Variants in MALL observed in about 807,000 individuals in gnomAD.
MALL encodes mal, T cell differentiation protein like.
MALL carries 2 observed loss-of-function variants against 10.3 expected under a neutral mutation model. That is an observed-to-expected ratio of 0.19 (90% confidence interval 0.08 to 0.61). The LOEUF (loss-of-function observed/expected upper bound fraction) is 0.61, where lower values mean the gene tolerates loss of function less well. MALL is among the 20% of genes least tolerant of loss of function. The probability of loss-of-function intolerance (pLI) is 0.88; values close to 1 mark genes in which losing one functional copy is unlikely to be tolerated. For synonymous variants in MALL, 27 were observed against 51.8 expected, an observed-to-expected ratio of 0.52 and a Z score of 2.05; for missense variants, 39 against 115.2, an observed-to-expected ratio of 0.34 and a Z score of 3.03.
intron 1 of MALL, among the ~76,000 whole-genome samples, chr2:110,098,319 A>G (rs575932683): frequency 7.2e-5 from 11 of 152,078 alleles, no homozygotes; most frequent in African/African-American, 2.4e-4. Flanking sequence ...ACCACCATCC[A>G]TCTCCAGAGT....
upstream of MALL, among the ~76,000 whole-genome samples, chr2:110,117,651 G>C (rs992027447): frequency 6.9e-6 from 1 of 145,966 alleles, no homozygotes; most frequent in Non-Finnish European, 1.5e-5. Context: ...GAGAGAGAGA[G>C]AGAGAAACAC....
chr2:110,107,291 G>A (rs979838016), intron 1 of MALL, among the ~76,000 whole-genome samples: 1 of 152,060 alleles, frequency 6.6e-6, no homozygotes, highest in Admixed American at 6.6e-5. Flanking sequence ...GGATAGCCTG[G>A]GGCAAGTTTT....
intron 1 of MALL, among the ~76,000 whole-genome samples, chr2:110,098,992 C>CA (rs34987452): frequency 0.77 from 114,719 of 148,200 alleles, 47,285 homozygotes; most frequent in Middle Eastern, 0.92. Context: ...GACCCTGTCT[C>CA]AAAAAAAAAA....
At chr2:110,101,593 C>T (rs1255422289) in intron 1 of MALL, among the ~76,000 whole-genome samples, 1 of 152,090 alleles carries the variant, frequency 6.6e-6, no homozygotes, top group Admixed American at 6.5e-5. Flanking sequence ...TGGCAGTGCG[C>T]CCGGCCTCCC....
At chr2:110,117,511 G>T (rs1678940887), upstream of MALL, among the ~76,000 whole-genome samples, 1 of 151,340 alleles carries the variant, frequency 6.6e-6, no homozygotes. Context: ...TGGTCTTCTG[G>T]CTAAAGACCA....
At chr2:110,115,241 G>A (rs766026844) in intron 1 of MALL, among the ~76,000 whole-genome samples, 1 of 152,166 alleles carries the variant, frequency 6.6e-6, no homozygotes, top group Non-Finnish European at 1.5e-5. Context: ...ACAAATAGTT[G>A]GACAAAAGAA....
chr2:110,109,136 A>G (rs1313756343), intron 1 of MALL, among the ~76,000 whole-genome samples: 1 of 152,206 alleles, frequency 6.6e-6, no homozygotes, highest in Non-Finnish European at 1.5e-5. Flanking sequence ...ATACAAATTA[A>G]AAAGCAAAAA....
intron 1 of MALL, among the ~76,000 whole-genome samples, chr2:110,110,992 GA>G (rs1242872056): frequency 6.6e-6 from 1 of 152,128 alleles, no homozygotes; most frequent in African/African-American, 2.4e-5. Context: ...AATAGATGCA[GA>G]AAAAACATTT....
At chr2:110,117,624 T>TGTGTGTGTGTGA (rs1292836050), upstream of MALL, among the ~76,000 whole-genome samples, 1 of 122,718 alleles carries the variant, frequency 8.1e-6, no homozygotes, top group African/African-American at 3.1e-5. Context: ...TGTGTGTGTG[T>TGTGTGTGTGTGA]GAGAGAGAGA....
chr2:110,112,371 T>A (rs574496311), intron 1 of MALL, among the ~76,000 whole-genome samples: 1 of 151,890 alleles, frequency 6.6e-6, no homozygotes, highest in Admixed American at 6.6e-5. Flanking sequence ...TACAAGGAAG[T>A]CAAACAAATC....
intron 1 of MALL, among the ~76,000 whole-genome samples, chr2:110,111,684 A>G (rs563241466): frequency 8.6e-4 from 131 of 152,200 alleles, no homozygotes; most frequent in African/African-American, 2.8e-3. Flanking sequence ...ATTCAATGCA[A>G]TCCCCATCAG....
chr2:110,109,471 C>T (rs561418012), intron 1 of MALL, among the ~76,000 whole-genome samples: 24 of 152,170 alleles, frequency 1.6e-4, no homozygotes, highest in East Asian at 3.9e-4. Context: ...CAGTATATAA[C>T]GGTAAAAGGC....
chr2:110,098,891 AC>A (rs1678503036), intron 1 of MALL, among the ~76,000 whole-genome samples: 1 of 151,998 alleles, frequency 6.6e-6, no homozygotes, highest in African/African-American at 2.4e-5. Flanking sequence ...AGTCTCAGCT[AC>A]TCGGGGGGCT....
upstream of MALL, among the ~76,000 whole-genome samples, chr2:110,117,855 A>G (rs1217841458): frequency 6.6e-6 from 1 of 152,064 alleles, no homozygotes; most frequent in African/African-American, 2.4e-5. Context: ...GAGATTTTCT[A>G]CACTCTCTCT....
intron 1 of MALL, among the ~76,000 whole-genome samples, chr2:110,100,350 A>T (rs1424840694): frequency 6.6e-6 from 1 of 152,064 alleles, no homozygotes; most frequent in Non-Finnish European, 1.5e-5. Flanking sequence ...TCACACCTGT[A>T]GTCCTAGCTA....
chr2:110,092,569 T>C (rs1171489923), intron 1 of MALL, among the ~76,000 whole-genome samples: 4 of 50,642 alleles, frequency 7.9e-5, no homozygotes, highest in Non-Finnish European at 2.0e-4. Flanking sequence ...CAGTTGAATA[T>C]GTCAATCTTT....
At chr2:110,117,634 A>T (rs1181130856), upstream of MALL, among the ~76,000 whole-genome samples, 8,760 of 135,578 alleles carry the variant, frequency 0.065, 320 homozygotes, top group African/African-American at 0.12. Context: ...TGAGAGAGAG[A>T]GAGAGAGAGA....
intron 1 of MALL, among the ~76,000 whole-genome samples, chr2:110,113,266 T>C (rs982612695): frequency 6.6e-6 from 1 of 150,810 alleles, no homozygotes; most frequent in African/African-American, 2.4e-5. Context: ...AAACCCCGTC[T>C]CTACTAAAAA....
At chr2:110,100,886 G>A (rs1195909847) in intron 1 of MALL, among the ~76,000 whole-genome samples, 3 of 152,154 alleles carry the variant, frequency 2.0e-5, no homozygotes, top group East Asian at 3.9e-4. Flanking sequence ...GGGAGAGTGG[G>A]AGGAGCCCTG....
Sources: gnomAD v4.1 joint callset for allele counts (sites outside exome capture counted in the v4.1 genomes callset) on GRCh38, gnomAD v4.1.1 for gene constraint, MANE v1.5 for transcripts, NCBI Gene and HGNC (gene_info 2026-07-23, HGNC 2026-07-21) for gene names.